The following PAPSS2 variants were observed in gnomAD, a reference collection of about 807,000 sequenced individuals.
PAPSS2 encodes the protein bifunctional 3'-phosphoadenosine 5'-phosphosulfate synthase 2.
A neutral mutation model predicts 66.5 loss-of-function variants in PAPSS2; 61 were observed. The observed-to-expected ratio is 0.92, with a 90% CI of 0.75 to 1.14. The LOEUF is 1.14. PAPSS2 is among the 50% of genes most tolerant of loss of function. The pLI is 0.00. For missense variants in PAPSS2, 708 were observed against 789.6 expected (o/e 0.90, Z 1.24); for synonymous variants, 289 against 287.5 (o/e 1.01, Z -0.05).
At position 87,745,231 on chromosome 10, in the gene PAPSS2, G is replaced by A. The variant is rs766498849; in HGVS notation, c.1721G>A (p.Arg574Lys). ...KKAMDFYDPARHNEFDFISGT... is the reference protein window; with the variant it reads ...KKAMDFYDPAKHNEFDFISGT... ...GCCATGGACTTCTATGATCCAGCAA[G>A]GTAGGTTTTCAGAGGAAAATTCTTT... The change falls in exon 12 of 13, where the codon AGG (arginine) becomes AAG (lysine). Residue 574 changes from arginine to lysine, a missense_variant and splice_region_variant. Arg to Lys is a conservative substitution (Grantham distance 26). Transcript: ENST00000456849. 4 of 1,606,936 alleles carry A rather than the reference G, an allele frequency of 2.5e-6. No homozygotes were observed. The highest frequency in any genetic ancestry group is 2.2e-5 in the South Asian group (2 of 90,132).
At chr10:87,698,626 C>G (rs1853264630) in intron 1 of PAPSS2, among the ~76,000 whole-genome samples, 1 of 152,140 alleles carries the variant, frequency 6.6e-6, no homozygotes, top group African/African-American at 2.4e-5. Flanking sequence ...AAACTGTGTT[C>G]CTGGGATTGG....
chr10:87,694,335 G>C (rs1320198873), intron 1 of PAPSS2, among the ~76,000 whole-genome samples: 1 of 152,202 alleles, frequency 6.6e-6, no homozygotes, highest in Admixed American at 6.5e-5. Context: ...TAAAACATCA[G>C]ACTTAAGTCT....
chr10:87,721,125 CAT>C (rs1335346434), intron 7 of PAPSS2, among the ~76,000 whole-genome samples: 1 of 152,166 alleles, frequency 6.6e-6, no homozygotes, highest in Admixed American at 6.6e-5. Context: ...TGGAGTTTGA[CAT>C]AGATTATTAC....
chr10:87,714,891 A>T (rs369054627), intron 5 of PAPSS2, 28 bp downstream of exon 5: 1 of 1,473,726 alleles, frequency 6.8e-7, no homozygotes, highest in African/African-American at 1.4e-5. Flanking sequence ...CTTTTTTTAT[A>T]TGTTTAATAA....
Position 87,715,035 on chromosome 10 carries a change from G to A in PAPSS2, c.690G>A (p.Pro230=), listed in dbSNP as rs781543718. ...IIKDIHELFV[P]ENKLDHVRAE... ...AAGATATCCACGAACTCTTTGTGCC[G>A]GAAAACAAACTTGACCACGTCCGAG... is the stretch of plus-strand genomic sequence containing the variant. Residue 230 remains proline, a synonymous_variant, in exon 6 of 13, where the codon CCG becomes CCA. Coordinates refer to ENST00000456849, the MANE Select transcript of PAPSS2 (RefSeq NM_001015880.2). 1.5e-5 allele frequency: 24 copies of A among 1,613,252 alleles called. No individual in the cohort carries two copies. The highest frequency in any genetic ancestry group is 7.7e-5 in the South Asian group (7 of 91,068).
At chr10:87,688,619 C>T (rs1258257460) in intron 1 of PAPSS2, among the ~76,000 whole-genome samples, 1 of 151,922 alleles carries the variant, frequency 6.6e-6, no homozygotes, top group African/African-American at 2.4e-5. Flanking sequence ...GCCACCACGC[C>T]TGGCTAATTT....
chr10:87,661,979 T>C (rs1427855695), intron 1 of PAPSS2, among the ~76,000 whole-genome samples: 2 of 152,212 alleles, frequency 1.3e-5, no homozygotes, highest in East Asian at 3.8e-4. Flanking sequence ...CTCTCAAGCT[T>C]TGAATGTTCA....
At chr10:87,669,926 G>A (rs1435372003) in intron 1 of PAPSS2, among the ~76,000 whole-genome samples, 1 of 152,174 alleles carries the variant, frequency 6.6e-6, no homozygotes, top group Admixed American at 6.5e-5. Context: ...AACTAGTAAT[G>A]TATTACTGCT....
intron 1 of PAPSS2, chr10:87,703,845 A>C (rs948788576): frequency 1.9e-6 from 1 of 517,694 alleles, no homozygotes; most frequent in Admixed American, 1.9e-5. Context: ...CCACTTCCTG[A>C]TAAGGGGCAG....
Position 87,703,142 on chromosome 10 carries a change from G to A in PAPSS2, c.28-6054G>A, listed in dbSNP as rs551244271. Among the ~76,000 whole-genome samples, 5 of 152,298 alleles carry A rather than the reference G, an allele frequency of 3.3e-5. No homozygotes were observed. The South Asian group carries it at 1.0e-3, about 32-fold the overall frequency. On this transcript the variant is annotated intron_variant, in intron 1 of 12. Transcript: ENST00000456849. ...CCATCCTCCATCTAGGTAACGAAGT[G>A]TTCATGACTCTGTGACAGCCAGGAC...
chr10:87,675,766 T>G (rs1014267188), intron 1 of PAPSS2, among the ~76,000 whole-genome samples: 2 of 152,160 alleles, frequency 1.3e-5, no homozygotes, highest in South Asian at 2.1e-4. Flanking sequence ...TCACTCCTAG[T>G]GAATATGATT....
chr10:87,700,607 A>G (rs1440154194), intron 1 of PAPSS2, among the ~76,000 whole-genome samples: 1 of 151,748 alleles, frequency 6.6e-6, no homozygotes, highest in Non-Finnish European at 1.5e-5. Flanking sequence ...GCAGTGAGCC[A>G]GGATCACACC....
chr10:87,729,234 TTC>T (rs1491116075), intron 9 of PAPSS2, among the ~76,000 whole-genome samples: 2,814 of 114,112 alleles, frequency 0.025, 68 homozygotes, highest in East Asian at 0.11. Flanking sequence ...TGCTTTTCTT[TTC>T]TTTTTTTTTT....
intron 1 of PAPSS2, among the ~76,000 whole-genome samples, chr10:87,685,587 G>A (rs183110799): frequency 3.0e-4 from 46 of 152,314 alleles, no homozygotes; most frequent in African/African-American, 1.1e-3. Context: ...GGAAGCTGGT[G>A]GTGGGAGGAT....
intron 1 of PAPSS2, among the ~76,000 whole-genome samples, chr10:87,706,262 G>C (rs2131928465): frequency 6.6e-6 from 1 of 150,844 alleles, no homozygotes; most frequent in South Asian, 2.1e-4. Flanking sequence ...CAGTGCTTCA[G>C]ATTGCCACTG....
Position 87,727,340 on chromosome 10 carries a change from A to G in PAPSS2, c.937A>G (p.Thr313Ala). 1.9e-6 allele frequency: 3 copies of G among 1,614,116 alleles called. No individual in the cohort carries two copies. The highest frequency in any genetic ancestry group is 2.2e-5 in the South Asian group (2 of 91,074). Residue 313 changes from threonine (T) to alanine (A), a missense_variant, in exon 9 of 13, where the codon ACA becomes GCA. Transcript: ENST00000456849. ...IVLPVSAEDK[T>A]RLEGCSKFVL... Reference sequence around the variant, plus strand: ...ACTGCCCGTCTCTGCAGAGGATAAGACACGGCTGGAAGGGTGCAGCAAGTT... The same window carrying G: ...ACTGCCCGTCTCTGCAGAGGATAAGGCACGGCTGGAAGGGTGCAGCAAGTT...
At chr10:87,742,163 A>T (rs1387073717) in intron 10 of PAPSS2, among the ~76,000 whole-genome samples, 1 of 152,240 alleles carries the variant, frequency 6.6e-6, no homozygotes, top group Non-Finnish European at 1.5e-5. Flanking sequence ...AGAACCATAT[A>T]TTAGAACGCT....
At chr10:87,666,504 T>G (rs185886376) in intron 1 of PAPSS2, among the ~76,000 whole-genome samples, 2 of 152,202 alleles carry the variant, frequency 1.3e-5, no homozygotes, top group East Asian at 3.9e-4. Context: ...TTTGATTTAA[T>G]CCTTTTTCCC....
intron 1 of PAPSS2, among the ~76,000 whole-genome samples, chr10:87,697,288 C>T (rs1186219634): frequency 6.6e-6 from 1 of 152,290 alleles, no homozygotes; most frequent in Non-Finnish European, 1.5e-5. Flanking sequence ...CCCTAGTGTG[C>T]GTCCTGGCCG....
Sources: allele counts gnomAD v4.1 joint callset (sites outside exome capture counted in the v4.1 genomes callset), GRCh38; gene constraint gnomAD v4.1.1; transcripts MANE v1.5; gene names NCBI Gene and HGNC (gene_info 2026-07-23, HGNC 2026-07-21).